Variants in UPF2 observed in about 807,000 individuals in gnomAD.
UPF2 encodes UPF2 regulator of nonsense mediated mRNA decay.
A neutral mutation model predicts 141.4 loss-of-function variants in UPF2; 17 were observed. The observed-to-expected ratio is 0.12, with a 90% confidence interval of 0.08 to 0.18. UPF2 has a LOEUF of 0.18. Among genes scored for constraint, UPF2 ranks in the 10% least tolerant of loss-of-function variants. The pLI is 1.00. For missense variants in UPF2, 1,152 were observed against 1,515.9 expected, an observed-to-expected ratio of 0.76 and a Z score of 3.99; for synonymous variants, 540 against 498.0, an observed-to-expected ratio of 1.08 and a Z score of -1.12.
intron 16 of UPF2, among the ~76,000 whole-genome samples, chr10:11,947,786 CAAAAAAAA>C (rs58897556): frequency 7.6e-5 from 5 of 65,580 alleles, no homozygotes; most frequent in Non-Finnish European, 1.2e-4. Context: ...AACCTTGTCT[CAAAAAAAA>C]AAAAAAAAAA....
In UPF2 at chr10:11,992,294, T is replaced by A. The variant is rs2131251911; in HGVS notation, c.1844+5378A>T. Among the ~76,000 whole-genome samples the A allele has an allele frequency of 6.6e-6, 1 of 152,306 alleles. No homozygotes were observed. Among genetic ancestry groups the A allele is most frequent in the Admixed American group, 6.5e-5 (1 of 15,296 alleles). ...CAGACAGGAAGTCAGGTGTGCCGCT[T>A]GCCTACTGAAATAATGCTGAAAGTT... is the stretch of plus-strand genomic sequence containing the variant. On this transcript the variant is annotated intron_variant, in intron 8 of 21. Coordinates refer to ENST00000357604, the MANE Select transcript of UPF2 (RefSeq NM_015542.4). This position sits in a 1 kb window ranked among gnomAD's most constrained non-coding sequence, Gnocchi z 4.1.
intron 13 of UPF2, among the ~76,000 whole-genome samples, 183 bp from the exon 14 acceptor site, chr10:11,955,690 A>G (rs1833137861): frequency 6.6e-6 from 1 of 152,214 alleles, no homozygotes; most frequent in Admixed American, 6.5e-5. Flanking sequence ...GGAAATGGCT[A>G]TCTTTAAAGT....
At position 11,984,233 on chromosome 10, in the gene UPF2, T is replaced by C. The variant is rs1340834903; in HGVS notation, c.1845-5068A>G. 2.6e-5 allele frequency among the ~76,000 whole-genome samples: 4 copies of C among 152,360 alleles called. No homozygotes were observed. The East Asian group carries it at 5.8e-4, about 22-fold the overall frequency. ...AGCGTGCCCGATCAATTAATAACTT[T>C]TAACGCTTTCTTCCATGATTACCGT... On this transcript the variant is annotated intron_variant, in intron 8 of 21. Coordinates refer to ENST00000357604, the MANE Select transcript of UPF2 (RefSeq NM_015542.4).
At chr10:11,938,590 C>G (rs996621459) in intron 18 of UPF2, among the ~76,000 whole-genome samples, 3 of 151,930 alleles carry the variant, frequency 2.0e-5, no homozygotes, top group Non-Finnish European at 2.9e-5. Context: ...AATTTGCATA[C>G]TATTTTATTA....
At chr10:12,028,087 C>T (rs1045858835) in intron 3 of UPF2, among the ~76,000 whole-genome samples, 3 of 152,158 alleles carry the variant, frequency 2.0e-5, no homozygotes, top group Non-Finnish European at 4.4e-5. Flanking sequence ...AAATACTACA[C>T]AGTAGTCTAC....
At chr10:11,997,873 A>T in intron 7 of UPF2, 116 bp from the exon 8 acceptor site, 4 of 1,035,674 alleles carry the variant, frequency 3.9e-6, no homozygotes, top group Non-Finnish European at 5.7e-6. Context: ...TGGTTTTAAG[A>T]AACTAGTATT....
chr10:12,013,973 G>A (rs764559324), intron 4 of UPF2, 51 bp downstream of exon 4: 1 of 1,420,952 alleles, frequency 7.0e-7, no homozygotes, highest in Non-Finnish European at 9.3e-7. Flanking sequence ...CTAAAGGTAA[G>A]TGACAGTGCT....
At position 11,920,580 on chromosome 10, in the gene UPF2, C is replaced by G. The variant is rs1292940924; in HGVS notation, c.*718G>C. 6.3e-6 allele frequency: 1 copy of G among 157,732 alleles called. No homozygotes were observed. The highest frequency in any genetic ancestry group is 1.4e-5 in the Non-Finnish European group (1 of 71,166). 9.8% of individuals were successfully genotyped at this position (157,732 alleles called of 1,614,324 possible). A position where few individuals can be genotyped will look rare whatever the true frequency, so the allele number is the denominator to read the frequency against. On this transcript the variant is annotated 3_prime_UTR_variant, in exon 22 of 22. Transcript: ENST00000357604. Reference sequence around the variant, plus strand: ...GGCTGGTATCACTTTTCTAAGCCATCTGAATTAATGCTCTCTGTATAGTAA... The same window carrying G: ...GGCTGGTATCACTTTTCTAAGCCATGTGAATTAATGCTCTCTGTATAGTAA...
At chr10:12,017,885 C>T (rs1202984903) in intron 3 of UPF2, among the ~76,000 whole-genome samples, 2 of 152,270 alleles carry the variant, frequency 1.3e-5, no homozygotes, top group East Asian at 3.9e-4. Context: ...AATGTTATCC[C>T]TCCCCTGGCC....
Position 11,936,594 on chromosome 10 carries a change from G to A in UPF2, c.3497C>T (p.Ala1166Val), listed in dbSNP as rs577504328. The A allele has an allele frequency of 1.9e-6, 3 of 1,611,804 alleles. No homozygotes were observed. The highest frequency in any genetic ancestry group is 2.2e-5 in the East Asian group (1 of 44,814). ...LGGGEGEAES[A>V]DTMPFVMLTR... Reference sequence around the variant, plus strand: ...TAACATGACAAACGGCATTGTGTCTGCAGACTCAGCCTCTCCTTCCCCACC... The same window carrying A: ...TAACATGACAAACGGCATTGTGTCTACAGACTCAGCCTCTCCTTCCCCACC... The change falls in exon 19 of 22, where the codon GCA (alanine) becomes GTA (valine). Residue 1166 changes from alanine to valine, a missense_variant. By Grantham distance (64) the Ala-to-Val change is moderately conservative (BLOSUM62 0). Coordinates refer to ENST00000357604, the MANE Select transcript of UPF2 (RefSeq NM_015542.4). This position sits in a 1 kb window ranked among gnomAD's most constrained non-coding sequence, Gnocchi z 6.6.
intron 18 of UPF2, among the ~76,000 whole-genome samples, chr10:11,938,888 C>T (rs1392129473): frequency 6.4e-5 from 3 of 46,826 alleles, no homozygotes; most frequent in African/African-American, 1.9e-4. Flanking sequence ...TTTTTGGAGA[C>T]GGAGTCTCAC....
chr10:11,951,324 A>G (rs772989797), intron 15 of UPF2, among the ~76,000 whole-genome samples: 39 of 152,182 alleles, frequency 2.6e-4, no homozygotes, highest in Non-Finnish European at 4.7e-4. Context: ...CGGCCTCCCA[A>G]AGTGCTGGGA....
In UPF2 at chr10:11,931,808, C is replaced by A; in HGVS notation, c.3547-26G>T. 1 of 1,583,024 alleles carries A rather than the reference C, an allele frequency of 6.3e-7. No individual in the cohort carries two copies. The highest frequency in any genetic ancestry group is 1.2e-5 in the South Asian group (1 of 85,064). ...CTGGGAGAAAATAACAAAGGAGTTACAAATAGTTTGAGAACACTGAGAGAA... is the reference window on the plus strand; with the variant it reads ...CTGGGAGAAAATAACAAAGGAGTTAAAAATAGTTTGAGAACACTGAGAGAA... On this transcript the variant is annotated intron_variant, in intron 19 of 21. Coordinates refer to ENST00000357604, the MANE Select transcript of UPF2 (RefSeq NM_015542.4). This position sits in a 1 kb window ranked among gnomAD's most constrained non-coding sequence, Gnocchi z 5.9.
intron 8 of UPF2, among the ~76,000 whole-genome samples, chr10:11,982,277 C>T (rs960080964): frequency 1.3e-5 from 2 of 152,156 alleles, no homozygotes; most frequent in Non-Finnish European, 2.9e-5. Context: ...CAGAAAAGTA[C>T]AGGTACAACA....
Position 12,028,756 on chromosome 10 carries a change from C to T in UPF2, c.1134G>A (p.Glu378=). 6.3e-7 allele frequency: 1 copy of T among 1,584,146 alleles called. No homozygotes were observed. The highest frequency in any genetic ancestry group is 1.7e-4 in the Middle Eastern group (1 of 5,906). ...CATTTGAAAATCACCTGTTTTGTCT[C>T]TCAGTATTCTGGAGCTCCCTGTGGT... is the stretch of plus-strand genomic sequence containing the variant. ...KRDHRELQNT[E]RQNRRILHSK... Residue 378 remains glutamate, a synonymous_variant, in exon 3 of 22, where the codon GAG becomes GAA. Coordinates refer to ENST00000357604, the MANE Select transcript of UPF2 (RefSeq NM_015542.4).
chr10:12,032,091 C>T (rs1395948471), intron 2 of UPF2, among the ~76,000 whole-genome samples: 1 of 151,922 alleles, frequency 6.6e-6, no homozygotes, highest in African/African-American at 2.4e-5. Context: ...GTCAGGAGTT[C>T]GAGATCAGCC....
In UPF2 at chr10:11,931,248, AG is replaced by A. The variant is rs1832778797; in HGVS notation, c.3688+392del. ...CAGTGTGTAGTAGGCTACACCATCT[AG>A]GTTTGTCAAGTACACTCTATGATGT... On this transcript the variant is annotated intron_variant, in intron 20 of 21. Transcript: ENST00000357604. This position sits in a 1 kb window ranked among gnomAD's most constrained non-coding sequence, Gnocchi z 5.9. 6.6e-6 allele frequency among the ~76,000 whole-genome samples: 1 copy of A among 152,212 alleles called. No homozygotes were observed. Among genetic ancestry groups the A allele is most frequent in the Non-Finnish European group, 1.5e-5 (1 of 68,028 alleles).
Position 11,921,866 on chromosome 10 carries a change from T to C in UPF2, c.3810-559A>G, listed in dbSNP as rs1243181667. ...CACAGTTTGTGTTATGGTTCAGTTG[T>C]GTATCCCCAAAATTCACATGTTAAC... is the stretch of plus-strand genomic sequence containing the variant. On this transcript the variant is annotated intron_variant, in intron 21 of 21. Coordinates refer to ENST00000357604, the MANE Select transcript of UPF2 (RefSeq NM_015542.4). The surrounding 1 kb of genome is among the most constrained non-coding windows in gnomAD (Gnocchi z 5.9). 1.3e-5 allele frequency among the ~76,000 whole-genome samples: 2 copies of C among 152,214 alleles called. No individual in the cohort carries two copies. The highest frequency in any genetic ancestry group is 1.3e-4 in the Admixed American group (2 of 15,272).
intron 8 of UPF2, among the ~76,000 whole-genome samples, chr10:11,997,031 A>C (rs1364843849): frequency 6.6e-6 from 1 of 152,220 alleles, no homozygotes; most frequent in Non-Finnish European, 1.5e-5. Flanking sequence ...ACAGAAATAG[A>C]TCTCCTCCAG....
Sources: gnomAD v4.1 joint callset for allele counts (sites outside exome capture counted in the v4.1 genomes callset) on GRCh38, gnomAD v4.1.1 for gene constraint, Gnocchi (gnomAD v3.1) non-coding constraint, MANE v1.5 for transcripts, NCBI Gene and HGNC (gene_info 2026-07-23, HGNC 2026-07-21) for gene names.